RPGR: variants seen among roughly 807,000 people sequenced by gnomAD.
RPGR encodes the protein retinitis pigmentosa GTPase regulator.
A neutral mutation model predicts 56.3 loss-of-function variants in RPGR; 10 were observed. That is an observed-to-expected ratio of 0.18 (90% CI 0.11 to 0.30). The LOEUF is 0.30. Ranked by LOEUF, RPGR falls within the 10% of genes least tolerant of loss-of-function variation. The pLI, the probability that RPGR is intolerant of heterozygous loss-of-function variation, is 1.00. For synonymous variants in RPGR, 197 were observed against 212.9 expected, an observed-to-expected ratio of 0.93 and a Z score of 0.65; for missense variants, 538 against 590.9, an observed-to-expected ratio of 0.91 and a Z score of 0.93.
At chrX:38,292,739 T>C (rs77663861) in intron 11 of RPGR, among the ~76,000 whole-genome samples, 10,588 of 112,063 alleles carry the variant, frequency 0.094, 507 homozygotes, top group African/African-American at 0.16. Context: ...AAAATTGTAA[T>C]TGCTATTTCT....
intron 15 of RPGR, among the ~76,000 whole-genome samples, chrX:38,277,526 A>G (rs1279693468): frequency 9.1e-6 from 1 of 110,293 alleles, no homozygotes; most frequent in African/African-American, 3.3e-5. Flanking sequence ...TGTCATTAAG[A>G]TATTAGGTTT....
At chrX:38,286,947 T>C (rs753818354) in intron 15 of RPGR, 2 of 1,208,807 alleles carry the variant, frequency 1.7e-6, no homozygotes, top group South Asian at 3.5e-5. Context: ...TCTCCATTTC[T>C]CCTCTACCCT....
intron 3 of RPGR, among the ~76,000 whole-genome samples, chrX:38,322,402 G>A (rs1001439995): frequency 1.4e-4 from 16 of 111,604 alleles, no homozygotes; most frequent in African/African-American, 2.9e-4. Context: ...TCGATGTTTC[G>A]TTTACTTCAC....
At chrX:38,320,166 G>A (rs2067905095) in intron 4 of RPGR, among the ~76,000 whole-genome samples, 1 of 100,378 alleles carries the variant, frequency 1.0e-5, no homozygotes, top group Non-Finnish European at 2.0e-5. Context: ...AATCTTAAAA[G>A]GCTAAGAGAA....
chrX:38,285,200 T>A (rs1009762327), intron 15 of RPGR: 1 of 866,037 alleles, frequency 1.2e-6, no homozygotes, highest in South Asian at 4.1e-5. Flanking sequence ...ATGATTTGTA[T>A]ACACAAACAA....
intron 15 of RPGR, chrX:38,279,166 C>T (rs774929250): frequency 7.2e-5 from 24 of 331,227 alleles, no homozygotes; most frequent in South Asian, 6.2e-4. Flanking sequence ...AAAGCACTTA[C>T]CTTTTAAACT....
chrX:38,284,897 T>C, intron 15 of RPGR: 1 of 745,818 alleles, frequency 1.3e-6, no homozygotes, highest in Non-Finnish European at 1.6e-6. Context: ...TTTCATTAGA[T>C]ATACTACCAT....
intron 8 of RPGR, among the ~76,000 whole-genome samples, chrX:38,303,059 CCTT>C (rs753049603): frequency 7.2e-5 from 8 of 111,334 alleles, no homozygotes; most frequent in African/African-American, 2.3e-4. Flanking sequence ...GTATTTATGT[CCTT>C]CTTTTATATC....
At chrX:38,323,874 T>C (rs1356693724) in intron 1 of RPGR, among the ~76,000 whole-genome samples, 1 of 112,436 alleles carries the variant, frequency 8.9e-6, no homozygotes, top group African/African-American at 3.2e-5. Context: ...TGTGCTATTC[T>C]TGTTCTAGTT....
At chrX:38,301,736 A>G (rs1294033420) in intron 8 of RPGR, among the ~76,000 whole-genome samples, 1 of 110,607 alleles carries the variant, frequency 9.0e-6, no homozygotes, top group African/African-American at 3.3e-5. Flanking sequence ...AACACAGTCT[A>G]TTTTCCTTTT....
chrX:38,270,208 G>T (rs2066814600), intron 18 of RPGR, among the ~76,000 whole-genome samples: 1 of 110,886 alleles, frequency 9.0e-6, no homozygotes, highest in Admixed American at 9.6e-5. Context: ...TCATTTTCAG[G>T]ACATGTCTGT....
chrX:38,286,782 T>C (rs1316796510), intron 15 of RPGR: 1 of 1,150,935 alleles, frequency 8.7e-7, no homozygotes, highest in African/African-American at 1.9e-5. Context: ...CCTCCTCTTC[T>C]TCTCCTTCTC....
In RPGR at chrX:38,305,311, A is replaced by T. The variant is rs1417103276; in HGVS notation, c.779-521T>A. Among the ~76,000 whole-genome samples the T allele has an allele frequency of 2.7e-5, 3 of 111,455 alleles. No individual in the cohort carries two copies. The East Asian group carries it at 8.4e-4, about 31-fold the overall frequency. On this transcript the variant is annotated intron_variant, in intron 7 of 18. Transcript: ENST00000642395. ...CATCTGTAATTCCAGCTACATAGGGAGGCTGAGGCACAAGAATCGCTTGAA... is the reference window on the plus strand; with the variant it reads ...CATCTGTAATTCCAGCTACATAGGGTGGCTGAGGCACAAGAATCGCTTGAA...
At chrX:38,306,921 G>T (rs1003309315) in intron 7 of RPGR, among the ~76,000 whole-genome samples, 5 of 112,456 alleles carry the variant, frequency 4.4e-5, no homozygotes, top group African/African-American at 1.6e-4. Context: ...ACAACCAATA[G>T]AATTTTTGGC....
intron 7 of RPGR, among the ~76,000 whole-genome samples, chrX:38,310,393 C>T (rs1278276616): frequency 1.8e-5 from 2 of 111,001 alleles, no homozygotes; most frequent in East Asian, 2.8e-4. Flanking sequence ...GTACAGTGGG[C>T]GTGAAGTTTC....
At chrX:38,286,887 C>T (rs759617046) in intron 15 of RPGR, 1 of 1,207,155 alleles carries the variant, frequency 8.3e-7, no homozygotes, top group Non-Finnish European at 1.1e-6. Context: ...CCCCATCCCT[C>T]TTCTTCCATT....
At chrX:38,297,250 T>A in intron 11 of RPGR, 34 bp downstream of exon 11, 2 of 1,193,414 alleles carry the variant, frequency 1.7e-6, no homozygotes, top group Admixed American at 4.4e-5. Flanking sequence ...AAAGGCACAT[T>A]TATCCTGAGA....
In RPGR at chrX:38,285,836, TTTC is replaced by T. The variant is rs746359809; in HGVS notation, c.1905+1255_1905+1257del. ...TCCTCCTCTTCTCTGTTCCTCCTGT[TTTC>T]TTCTCCTTCCCCCTCCTTTTCCCTT... is the stretch of plus-strand genomic sequence containing the variant. On this transcript the variant is annotated intron_variant, in intron 15 of 18. Transcript: ENST00000642395. 5.0e-6 allele frequency: 6 copies of T among 1,204,687 alleles called. No individual in the cohort carries two copies. In the East Asian group the frequency reaches 8.9e-5, roughly 18 times the overall value.
chrX:38,276,835 T>TA (rs2066945336), intron 15 of RPGR: 1 of 900,953 alleles, frequency 1.1e-6, no homozygotes, highest in Admixed American at 2.5e-5. Flanking sequence ...AGGGATTTGA[T>TA]ATTGCTGTCA....
Sources: gnomAD v4.1 joint callset for allele counts (sites outside exome capture counted in the v4.1 genomes callset) on GRCh38, gnomAD v4.1.1 for gene constraint, MANE v1.5 for transcripts, NCBI Gene and HGNC (gene_info 2026-07-23, HGNC 2026-07-21) for gene names.